DNM1: variants seen among roughly 807,000 people sequenced by gnomAD.
The protein encoded by DNM1 is dynamin 1, also known as dynamin-1.
DNM1 carries 29 observed loss-of-function variants against 104.6 expected under a neutral mutation model. That is an observed-to-expected ratio of 0.28 (90% confidence interval 0.21 to 0.38). DNM1 has a LOEUF of 0.38. Ranked by LOEUF, DNM1 falls within the 10% of genes least tolerant of loss-of-function variation. DNM1 has a pLI of 1.00. For missense variants in DNM1, 640 were observed against 1,189.4 expected (o/e 0.54, Z 6.79); for synonymous variants, 445 against 475.8 (o/e 0.94, Z 0.84).
chr9:128,216,898 C>T (rs530737029), intron 1 of DNM1, among the ~76,000 whole-genome samples: 90 of 152,336 alleles, frequency 5.9e-4, no homozygotes, highest in African/African-American at 2.0e-3. Context: ...GTCCCTCGGG[C>T]TTCAACCTGT....
In DNM1 at chr9:128,224,069, C is replaced by T. The variant is rs150630047; in HGVS notation, c.1197-182C>T. 1.4e-6 allele frequency: 1 copy of T among 715,006 alleles called. No homozygotes were observed. Among genetic ancestry groups the T allele is most frequent in the Non-Finnish European group, 2.1e-6 (1 of 468,588 alleles). The allele number at this position is 715,006 out of a possible 1,614,324, so 44.3% of individuals were successfully genotyped here. A position where few individuals can be genotyped will look rare whatever the true frequency, so the allele number is the denominator to read the frequency against. ...GTCTCAAAAAAAATAACAACAACAA[C>T]AAAAAACCCTTCATTAGAACCCCTC... On this transcript the variant is annotated intron_variant, in intron 9 of 21. Coordinates refer to ENST00000372923, the MANE Select transcript of DNM1 (RefSeq NM_004408.4). The surrounding 1 kb of genome is among the most constrained non-coding windows in gnomAD (Gnocchi z 4.3).
In DNM1 at chr9:128,253,483, G is replaced by T. The variant is rs548060251; in HGVS notation, c.2535-1171G>T. The T allele has an allele frequency of 1.1e-4, 37 of 352,172 alleles. No homozygotes were observed. Among genetic ancestry groups the T allele is most frequent in the African/African-American group, 7.7e-4 (37 of 47,930 alleles). The allele number at this position is 352,172 out of a possible 1,614,324, so 21.8% of individuals were successfully genotyped here. A position where few individuals can be genotyped will look rare whatever the true frequency, so the allele number is the denominator to read the frequency against. On this transcript the variant is annotated intron_variant, in intron 21 of 21. Transcript: ENST00000372923. This position sits in a 1 kb window ranked among gnomAD's most constrained non-coding sequence, Gnocchi z 5.9. The stretch of plus-strand genomic sequence containing the variant: ...GTGTAAAGGCTGGGAGCTTGGAGGG[G>T]GTCGTGTGTGGGGCTGGACTCTGAG...
Position 128,254,698 on chromosome 9 carries a change from C to T in DNM1, c.2579C>T (p.Pro860Leu). Residue 860 changes from proline to leucine, a missense_variant, in exon 22 of 22, where the codon CCC becomes CTC. Pro to Leu is a moderately conservative substitution (Grantham distance 98, BLOSUM62 -3). Coordinates refer to ENST00000372923, the MANE Select transcript of DNM1 (RefSeq NM_004408.4). This position sits in a 1 kb window ranked among gnomAD's most constrained non-coding sequence, Gnocchi z 6.1. ...CCATCCCGTCCTGAGAGCCCCAGGC[C>T]CCCCTTCGACCTCTAAACAGATCCC... is the stretch of plus-strand genomic sequence containing the variant. ...ASPSRPESPR[P>L]PFDL The T allele has an allele frequency of 6.3e-7, 1 of 1,596,268 alleles. No individual in the cohort carries two copies. Among genetic ancestry groups the T allele is most frequent in the Non-Finnish European group, 8.5e-7 (1 of 1,179,674 alleles).
intron 1 of DNM1, among the ~76,000 whole-genome samples, chr9:128,209,553 A>G (rs999829781): frequency 1.8e-4 from 27 of 152,190 alleles, no homozygotes; most frequent in African/African-American, 6.0e-4. Flanking sequence ...CCCTCCCACC[A>G]TAACAAACAC....
intron 1 of DNM1, among the ~76,000 whole-genome samples, chr9:128,210,647 G>T (rs1834233576): frequency 6.6e-6 from 1 of 152,154 alleles, no homozygotes; most frequent in Non-Finnish European, 1.5e-5. Flanking sequence ...ACAGGTGTGA[G>T]CCACCAGGTT....
Position 128,250,710 on chromosome 9 carries a change from C to A in DNM1, c.2319-15C>A. ...ATCTCGCCTCTCCTTGTTCCTCGCTCCCTGTCGCCCTCAGGTCGCCCACGT... is the reference window on the plus strand; with the variant it reads ...ATCTCGCCTCTCCTTGTTCCTCGCTACCTGTCGCCCTCAGGTCGCCCACGT... On this transcript the variant is annotated splice_polypyrimidine_tract_variant and intron_variant, in intron 20 of 21. Coordinates refer to ENST00000372923, the MANE Select transcript of DNM1 (RefSeq NM_004408.4). 1 of 1,460,444 alleles carries A rather than the reference C, an allele frequency of 6.8e-7. No homozygotes were observed. The highest frequency in any genetic ancestry group is 9.0e-7 in the Non-Finnish European group (1 of 1,112,456). 90.5% of individuals were successfully genotyped at this position (1,460,444 alleles called of 1,614,324 possible).
chr9:128,246,595 C>A, intron 16 of DNM1, 92 bp downstream of exon 16: 1 of 897,066 alleles, frequency 1.1e-6, no homozygotes, highest in Non-Finnish European at 1.8e-6. Flanking sequence ...AGGAGAGGAA[C>A]CTCCCCTAGG....
intron 10 of DNM1, among the ~76,000 whole-genome samples, chr9:128,229,468 A>G (rs1196267127): frequency 6.6e-6 from 1 of 151,916 alleles, no homozygotes; most frequent in Non-Finnish European, 1.5e-5. Context: ...ATGATGGCAC[A>G]CGCCTGTAGT....
Position 128,218,748 on chromosome 9 carries a change from C to T in DNM1, c.385+17C>T, listed in dbSNP as rs1172014415. The T allele has an allele frequency of 6.3e-7, 1 of 1,578,836 alleles. No individual in the cohort carries two copies. The highest frequency in any genetic ancestry group is 8.6e-7 in the Non-Finnish European group (1 of 1,159,284). ...CGCCGCACGGTGAGGACCCTGGCCC[C>T]GCCCTAACCTCTAAGAATCATTTTC... On this transcript the variant is annotated intron_variant, in intron 3 of 21. Transcript: ENST00000372923. This position sits in a 1 kb window ranked among gnomAD's most constrained non-coding sequence, Gnocchi z 4.8.
At position 128,220,742 on chromosome 9, in the gene DNM1, C is replaced by CGCGCGTGTGTGTGTGTGTGT. The variant is rs61020870; in HGVS notation, c.849+402_849+403insCGCGTGTGTGTGTGTGTGTG. Among the ~76,000 whole-genome samples, 4 of 136,278 alleles carry CGCGCGTGTGTGTGTGTGTGT rather than the reference C, an allele frequency of 2.9e-5. No individual in the cohort carries two copies. The highest frequency in any genetic ancestry group is 1.1e-4 in the African/African-American group (4 of 37,720). The allele number at this position is 136,278 out of a possible 152,430, so 89.4% of individuals were successfully genotyped here. The stretch of plus-strand genomic sequence containing the variant: ...CAGAACTGAAGTGCGCGCGCGCGCG[C>CGCGCGTGTGTGTGTGTGTGT]GTGTGTGTGTGTGTGTGTGTGTGTG... On this transcript the variant is annotated intron_variant, in intron 6 of 21. Coordinates refer to ENST00000372923, the MANE Select transcript of DNM1 (RefSeq NM_004408.4). The surrounding 1 kb of genome is among the most constrained non-coding windows in gnomAD (Gnocchi z 5.2).
Position 128,218,203 on chromosome 9 carries a change from C to A in DNM1, c.162-28C>A. On this transcript the variant is annotated intron_variant, in intron 1 of 21. Transcript: ENST00000372923. This position sits in a 1 kb window ranked among gnomAD's most constrained non-coding sequence, Gnocchi z 4.8. ...CAGAGGGCGCCCCCTCATATCTTGA[C>A]CCTCCTTTGACCTCCAACTCATTGC... The A allele has an allele frequency of 6.2e-7, 1 of 1,612,392 alleles. No individual in the cohort carries two copies. Among genetic ancestry groups the A allele is most frequent in the East Asian group, 2.2e-5 (1 of 44,872 alleles).
At chr9:128,227,009 CTTTTTTTTT>C (rs369464140) in intron 10 of DNM1, among the ~76,000 whole-genome samples, 3 of 101,770 alleles carry the variant, frequency 2.9e-5, no homozygotes, top group African/African-American at 1.3e-4. Context: ...ATCTCCATTC[CTTTTTTTTT>C]TTTTTTTTTT....
At chr9:128,252,938 T>C (rs1370067510) in intron 21 of DNM1, 2 of 722,394 alleles carry the variant, frequency 2.8e-6, no homozygotes, top group Non-Finnish European at 4.9e-6. Context: ...AGGAGGCGTA[T>C]GCGTGTTGTT....
intron 15 of DNM1, 76 bp downstream of exon 15, chr9:128,242,421 G>C (rs1395937530): frequency 3.6e-6 from 3 of 828,276 alleles, no homozygotes; most frequent in Non-Finnish European, 6.3e-6. Context: ...CATGGGCTTG[G>C]AGTGGGCTAG....
Position 128,224,614 on chromosome 9 carries a change from G to A in DNM1, c.1335+225G>A, listed in dbSNP as rs1331734008. Among the ~76,000 whole-genome samples the A allele has an allele frequency of 1.3e-5, 2 of 152,052 alleles. No homozygotes were observed. Among genetic ancestry groups the A allele is most frequent in the Non-Finnish European group, 2.9e-5 (2 of 67,972 alleles). On this transcript the variant is annotated intron_variant, in intron 10 of 21. Transcript: ENST00000372923. The surrounding 1 kb of genome is among the most constrained non-coding windows in gnomAD (Gnocchi z 4.3). ...CCCAGGGATTGGACATGGGTGAGAC[G>A]GGGATGATGGCTGGCTGTTTACCCC...
At chr9:128,216,306 A>G (rs1834602325) in intron 1 of DNM1, among the ~76,000 whole-genome samples, 1 of 152,160 alleles carries the variant, frequency 6.6e-6, no homozygotes, top group African/African-American at 2.4e-5. Context: ...TCCAACAGAC[A>G]CTCAGCTTTG....
rs1836274465 is a variant in DNM1 at position 128,240,140 on chromosome 9, C to T, written c.1557+144C>T. The T allele has an allele frequency of 1.0e-6, 1 of 986,230 alleles. No individual in the cohort carries two copies. The highest frequency in any genetic ancestry group is 1.6e-6 in the Non-Finnish European group (1 of 628,276). 61.1% of individuals were successfully genotyped at this position (986,230 alleles called of 1,614,324 possible). A position where few individuals can be genotyped will look rare whatever the true frequency, so the allele number is the denominator to read the frequency against. On this transcript the variant is annotated intron_variant, in intron 14 of 21. Transcript: ENST00000372923. The surrounding 1 kb of genome is among the most constrained non-coding windows in gnomAD (Gnocchi z 5.1). Reference sequence around the variant, plus strand: ...GCCCCTGGCATTTCACACCTGCCCTCAGGCCAGAGGCAGGCCCAGCCGCAT... The same window carrying T: ...GCCCCTGGCATTTCACACCTGCCCTTAGGCCAGAGGCAGGCCCAGCCGCAT...
At position 128,248,771 on chromosome 9, in the gene DNM1, TG is replaced by T. The variant is rs1237872802; in HGVS notation, c.2076+23del. On this transcript the variant is annotated intron_variant, in intron 19 of 21. Coordinates refer to ENST00000372923, the MANE Select transcript of DNM1 (RefSeq NM_004408.4). The surrounding 1 kb of genome is among the most constrained non-coding windows in gnomAD (Gnocchi z 5.6). ...TTAACAATGTGCGTGCTCCACTGCA[TG>T]GGGGCAGGGAAATCCTGTGGCACTG... 1 of 1,606,102 alleles carries T rather than the reference TG, an allele frequency of 6.2e-7. No homozygotes were observed. The highest frequency in any genetic ancestry group is 8.5e-7 in the Non-Finnish European group (1 of 1,173,502).
At chr9:128,210,499 C>G (rs1295014893) in intron 1 of DNM1, among the ~76,000 whole-genome samples, 1 of 151,978 alleles carries the variant, frequency 6.6e-6, no homozygotes, top group Non-Finnish European at 1.5e-5. Flanking sequence ...GTAGCTGAGA[C>G]TAACAGGCAC....
Sources: gnomAD v4.1 joint callset for allele counts (sites outside exome capture counted in the v4.1 genomes callset) on GRCh38, gnomAD v4.1.1 for gene constraint, Gnocchi (gnomAD v3.1) non-coding constraint, MANE v1.5 for transcripts, NCBI Gene and HGNC (gene_info 2026-07-23, HGNC 2026-07-21) for gene names.